The following NADK2 variants were observed in gnomAD, a reference collection of about 807,000 sequenced individuals.
NADK2 encodes the protein NAD kinase 2, mitochondrial.
Under a neutral mutation model 62.1 loss-of-function variants are expected in NADK2, and 35 were observed. The observed-to-expected ratio is 0.56, with a 90% CI of 0.43 to 0.75. The LOEUF is 0.75. Among genes scored for constraint, NADK2 ranks in the 30% least tolerant of loss-of-function variants. NADK2 has a pLI of 0.00. For synonymous variants in NADK2, 205 were observed against 207.9 expected, an observed-to-expected ratio of 0.99 and a Z score of 0.12; for missense variants, 439 against 561.3, an observed-to-expected ratio of 0.78 and a Z score of 2.20.
At chr5:36,223,500 T>C (rs915310582) in intron 4 of NADK2, among the ~76,000 whole-genome samples, 12 of 152,098 alleles carry the variant, frequency 7.9e-5, no homozygotes, top group Middle Eastern at 3.4e-3. Context: ...AGTAACCAAA[T>C]AGTAAGATCC....
intron 1 of NADK2, among the ~76,000 whole-genome samples, chr5:36,234,663 T>C (rs971567810): frequency 5.3e-4 from 80 of 152,336 alleles, no homozygotes; most frequent in African/African-American, 1.8e-3. Context: ...AAGGCTTTAG[T>C]TGTAATATTT....
At chr5:36,198,690 G>T (rs1746324977) in intron 10 of NADK2, among the ~76,000 whole-genome samples, 1 of 148,990 alleles carries the variant, frequency 6.7e-6, no homozygotes, top group African/African-American at 2.5e-5. Flanking sequence ...TTTTTAAGTT[G>T]AATTATATAA....
At chr5:36,230,656 A>G (rs1003198395) in intron 1 of NADK2, among the ~76,000 whole-genome samples, 1 of 152,244 alleles carries the variant, frequency 6.6e-6, no homozygotes, top group African/African-American at 2.4e-5. Context: ...GATAACCCAG[A>G]AAGTGACAAC....
Position 36,241,662 on chromosome 5 carries a change from T to TGCCGCCG in NADK2, c.130_136dup (p.His46ProfsTer64), listed in dbSNP as rs1748132773. 25 of 1,242,788 alleles carry TGCCGCCG rather than the reference T, an allele frequency of 2.0e-5. No individual in the cohort carries two copies. The highest frequency in any genetic ancestry group is 2.5e-5 in the Non-Finnish European group (25 of 995,586). 77.0% of individuals were successfully genotyped at this position (1,242,788 alleles called of 1,614,324 possible). ...CTCGCGCGGCTGCCCCTGCCCCAGG[T>TGCCGCCG]GCCGCCGGCCGCCACCGTCACCGCC... On this transcript the variant is annotated frameshift_variant, in exon 1 of 12. Coordinates refer to ENST00000381937, the MANE Select transcript of NADK2 (RefSeq NM_001085411.3). LOFTEE classifies it high-confidence loss of function. This position sits in a 1 kb window ranked among gnomAD's most constrained non-coding sequence, Gnocchi z 4.9.
intron 1 of NADK2, among the ~76,000 whole-genome samples, chr5:36,239,655 T>C (rs903622920): frequency 1.3e-5 from 2 of 152,098 alleles, no homozygotes; most frequent in South Asian, 4.1e-4. Flanking sequence ...GGTAATCTAG[T>C]TCAGAGGTCC....
intron 8 of NADK2, among the ~76,000 whole-genome samples, chr5:36,203,437 A>G (rs1364296241): frequency 6.6e-6 from 1 of 152,132 alleles, no homozygotes; most frequent in Non-Finnish European, 1.5e-5. Flanking sequence ...AAGAATCATC[A>G]GTAATGGAAG....
Position 36,194,949 on chromosome 5 carries a change from G to T in NADK2, c.*195C>A. The stretch of plus-strand genomic sequence containing the variant: ...ACTGGTATCAATTCTAATTGGTTCA[G>T]TCCATCCATTTTCTTATACAGTGAA... On this transcript the variant is annotated 3_prime_UTR_variant, in exon 12 of 12. Coordinates refer to ENST00000381937, the MANE Select transcript of NADK2 (RefSeq NM_001085411.3). The T allele has an allele frequency of 1.9e-6, 1 of 515,872 alleles. No individual in the cohort carries two copies. Among genetic ancestry groups the T allele is most frequent in the Non-Finnish European group, 3.3e-6 (1 of 304,886 alleles). The allele number at this position is 515,872 out of a possible 1,614,324, so 32.0% of individuals were successfully genotyped here.
intron 8 of NADK2, among the ~76,000 whole-genome samples, chr5:36,203,478 G>A (rs899057613): frequency 6.6e-5 from 10 of 152,066 alleles, no homozygotes; most frequent in Non-Finnish European, 1.2e-4. Context: ...CAAGCAAGCT[G>A]CATGGGGCTT....
intron 8 of NADK2, among the ~76,000 whole-genome samples, chr5:36,204,472 A>T (rs553191294): frequency 6.6e-6 from 1 of 152,180 alleles, no homozygotes; most frequent in South Asian, 2.1e-4. Context: ...TCTATTTCTA[A>T]TTTCACTCTA....
chr5:36,213,618 C>CATATATATATATATATATATATATAT (rs58371779), intron 6 of NADK2, among the ~76,000 whole-genome samples: 7,627 of 106,850 alleles, frequency 0.071, 748 homozygotes, highest in Non-Finnish European at 0.1. Context: ...TATATGCATG[C>CATATATATATATATATATATATATAT]ATATATATAT....
Position 36,232,327 on chromosome 5 carries a change from A to G in NADK2, c.301-4762T>C, listed in dbSNP as rs1021218386. On this transcript the variant is annotated intron_variant, in intron 1 of 11. Transcript: ENST00000381937. ...CTATTTTGTACTCTATGTAATTTCT[A>G]TGATAGCTTAATAAGGGAAGGAGTT... Among the ~76,000 whole-genome samples the G allele has an allele frequency of 6.6e-5, 10 of 152,314 alleles. 1 individual carries two copies. Among genetic ancestry groups the G allele is most frequent in the Admixed American group, 5.2e-4 (8 of 15,298 alleles).
At chr5:36,232,430 C>G (rs746438399) in intron 1 of NADK2, among the ~76,000 whole-genome samples, 1 of 152,102 alleles carries the variant, frequency 6.6e-6, no homozygotes, top group Non-Finnish European at 1.5e-5. Flanking sequence ...ATCCACTAGG[C>G]ATAATTTAGG....
intron 9 of NADK2, among the ~76,000 whole-genome samples, chr5:36,200,655 C>A (rs942169074): frequency 1.3e-5 from 2 of 151,948 alleles, no homozygotes; most frequent in Non-Finnish European, 2.9e-5. Context: ...CCTGCTCTAA[C>A]CCACCTGGGA....
At chr5:36,228,473 T>C (rs1747571804) in intron 1 of NADK2, among the ~76,000 whole-genome samples, 1 of 152,068 alleles carries the variant, frequency 6.6e-6, no homozygotes. Context: ...GCTATGTTGC[T>C]CAGGCTGGTC....
At chr5:36,220,600 G>T (rs950110955) in intron 4 of NADK2, among the ~76,000 whole-genome samples, 3 of 152,166 alleles carry the variant, frequency 2.0e-5, no homozygotes, top group African/African-American at 7.2e-5. Context: ...AAAGCGTAAG[G>T]CCTAGGTTTT....
chr5:36,220,140 C>T (rs1050220150), intron 4 of NADK2, among the ~76,000 whole-genome samples: 3 of 152,122 alleles, frequency 2.0e-5, no homozygotes, highest in Non-Finnish European at 2.9e-5. Context: ...CAAAAGGAAT[C>T]AAAATATTTA....
chr5:36,211,246 G>A (rs898904965), intron 7 of NADK2, among the ~76,000 whole-genome samples: 2 of 152,158 alleles, frequency 1.3e-5, no homozygotes, highest in Non-Finnish European at 2.9e-5. Context: ...GTAAAGACAG[G>A]TATAAGAAAT....
intron 8 of NADK2, among the ~76,000 whole-genome samples, chr5:36,206,295 T>C (rs1437150635): frequency 2.2e-4 from 4 of 18,480 alleles, no homozygotes; most frequent in South Asian, 2.8e-3. Flanking sequence ...AGTATAATAA[T>C]AATTTTTTTT....
chr5:36,217,769 T>C lies in NADK2; in HGVS notation c.760A>G (p.Ile254Val), dbSNP rs200166166. The change falls in exon 6 of 12, where the codon ATT (isoleucine) becomes GTT (valine). Residue 254 changes from isoleucine (I) to valine (V), a missense_variant. Physicochemically the swap from Ile to Val is conservative, Grantham distance 29. Coordinates refer to ENST00000381937, the MANE Select transcript of NADK2 (RefSeq NM_001085411.3). ...SLNQHNRALN[I>V]ERAHDERSEA... ...CTACTTTCATCATGAGCTCTTTCAA[T>C]GTTAAGGGCTCTATTGTGCTGATTC... 6 of 1,613,902 alleles carry C rather than the reference T, an allele frequency of 3.7e-6. No individual in the cohort carries two copies. The highest frequency in any genetic ancestry group is 2.2e-5 in the East Asian group (1 of 44,852).
Sources: gnomAD v4.1 joint callset for allele counts (sites outside exome capture counted in the v4.1 genomes callset) on GRCh38, gnomAD v4.1.1 for gene constraint, Gnocchi (gnomAD v3.1) non-coding constraint, MANE v1.5 for transcripts, NCBI Gene and HGNC (gene_info 2026-07-23, HGNC 2026-07-21) for gene names.